Variants in HSPD1 observed in about 807,000 individuals in gnomAD.
HSPD1 encodes the protein 60 kDa heat shock protein, mitochondrial.
Under a neutral mutation model 53.0 loss-of-function variants are expected in HSPD1, and 3 were observed. The ratio of observed to expected loss-of-function variants is 0.06; its 90% CI spans 0.03 to 0.15. The LOEUF is 0.15. HSPD1 is among the 10% of genes least tolerant of loss of function. HSPD1 has a pLI of 1.00. For synonymous variants in HSPD1, 200 were observed against 228.0 expected (o/e 0.88, Z 1.10); for missense variants, 431 against 694.1 (o/e 0.62, Z 4.26).
intron 4 of HSPD1, 179 bp downstream of exon 4, chr2:197,495,092 AAAATGACAACCACATGTAGAACT>A: frequency 1.6e-6 from 1 of 614,560 alleles, no homozygotes; most frequent in Non-Finnish European, 2.9e-6. Flanking sequence ...ATGTAGAACT[AAAATGACAACCACATGTAGAACT>A]AAATGACAAC....
rs2106079353 is a variant in HSPD1 at position 197,497,399 on chromosome 2, G to GA, written c.175-8dup. On this transcript the variant is annotated splice_region_variant and splice_polypyrimidine_tract_variant and intron_variant, in intron 2 of 11. Coordinates refer to ENST00000388968, the MANE Select transcript of HSPD1 (RefSeq NM_002156.5). ...CAATAATCACTGTTCTTCCCTAGAA[G>GA]AAAAAAATGTAACAGGATCAGACAT... is the stretch of plus-strand genomic sequence containing the variant. The GA allele has an allele frequency of 1.2e-6, 2 of 1,612,974 alleles. No individual in the cohort carries two copies. The highest frequency in any genetic ancestry group is 1.3e-5 in the African/African-American group (1 of 74,948).
chr2:197,498,593 T>C (rs2086191261), intron 2 of HSPD1, 82 bp downstream of exon 2: 2 of 1,213,014 alleles, frequency 1.6e-6, no homozygotes, highest in Admixed American at 1.7e-5. Context: ...ATGAAAGTAC[T>C]GTTGAATAGT....
At chr2:197,498,584 T>C (rs1336464957) in intron 2 of HSPD1, 91 bp downstream of exon 2, 2 of 1,143,490 alleles carry the variant, frequency 1.7e-6, no homozygotes, top group Non-Finnish European at 1.3e-6. Context: ...AAAATGGAGA[T>C]GAAAGTACTG....
At position 197,488,034 on chromosome 2, in the gene HSPD1, T is replaced by A. The variant is rs1395703930; in HGVS notation, c.1393A>T (p.Ile465Leu). The A allele has an allele frequency of 6.3e-7, 1 of 1,593,846 alleles. No homozygotes were observed. The highest frequency in any genetic ancestry group is 1.3e-5 in the African/African-American group (1 of 74,624). Residue 465 changes from isoleucine (I) to leucine (L), a missense_variant and splice_region_variant, in exon 11 of 12, where the codon ATA becomes TTA. Physicochemically the swap from Ile to Leu is conservative, Grantham distance 5. Around this residue, in one of 2 missense-constraint regions of HSPD1, gnomAD observed 386 missense variants for 657.6 expected, o/e 0.59. Transcript: ENST00000388968. ...TTGAGTGTTCTTTTAATAATTTCTA[T>A]ACCTACAGAGAAATTTCAGCAAAAT... ...TPANEDQKIG[I>L]EIIKRTLKIP...
At chr2:197,500,245 C>G, upstream of HSPD1, 3 of 714,390 alleles carry the variant, frequency 4.2e-6, 1 homozygote, top group South Asian at 3.5e-5. Context: ...GCGCAGGGCC[C>G]TTGGGGCGAA....
At chr2:197,492,070 T>C (rs975135925) in intron 7 of HSPD1, among the ~76,000 whole-genome samples, 12 of 152,328 alleles carry the variant, frequency 7.9e-5, no homozygotes, top group Admixed American at 2.6e-4. Context: ...GGCAGGAGGA[T>C]TGCTTGACCC....
intron 7 of HSPD1, among the ~76,000 whole-genome samples, chr2:197,491,988 T>G (rs1462338029): frequency 6.6e-6 from 1 of 152,104 alleles, no homozygotes; most frequent in East Asian, 1.9e-4. Flanking sequence ...AGACCTCGTC[T>G]CTACAAAAAA....
chr2:197,486,977 T>C lies in HSPD1; in HGVS notation c.*69A>G, dbSNP rs564507442. 5.9e-5 allele frequency: 62 copies of C among 1,057,640 alleles called. 3 individuals carry two copies. The South Asian group carries it at 5.9e-4, about 10-fold the overall frequency. 65.5% of individuals were successfully genotyped at this position (1,057,640 alleles called of 1,614,324 possible). On this transcript the variant is annotated 3_prime_UTR_variant, in exon 12 of 12. Coordinates refer to ENST00000388968, the MANE Select transcript of HSPD1 (RefSeq NM_002156.5). ...TCTCCAACTGACTTCTCTGAAGTTATTGGTGAGGAACACTGCCTTGGGCTT... is the reference window on the plus strand; with the variant it reads ...TCTCCAACTGACTTCTCTGAAGTTACTGGTGAGGAACACTGCCTTGGGCTT...
chr2:197,499,269 G>C (rs1310578936), intron 1 of HSPD1: 2 of 293,584 alleles, frequency 6.8e-6, no homozygotes, highest in South Asian at 3.1e-5. Flanking sequence ...GGTGCAAAAA[G>C]CCGCTCAGCA....
chr2:197,489,113 T>C lies in HSPD1; in HGVS notation c.1104A>G (p.Glu368=). Residue 368 remains glutamate (E), a synonymous_variant, in exon 9 of 12, where the codon GAA becomes GAG. Transcript: ENST00000388968. ...GCTCAATGATTTCTTGAATACGTTTTTCAATTTGAGCCTTGTCACCTTTTC... is the reference window on the plus strand; with the variant it reads ...GCTCAATGATTTCTTGAATACGTTTCTCAATTTGAGCCTTGTCACCTTTTC... The part of the protein sequence containing the change: ...LKGKGDKAQI[E]KRIQEIIEQL... The C allele has an allele frequency of 6.2e-7, 1 of 1,614,080 alleles. No homozygotes were observed. Among genetic ancestry groups the C allele is most frequent in the Non-Finnish European group, 8.5e-7 (1 of 1,179,938 alleles).
chr2:197,486,733 T>C lies in HSPD1; in HGVS notation c.*313A>G, dbSNP rs563815280. The stretch of plus-strand genomic sequence containing the variant: ...CACTAAAATCCTGATTTTAACAGAA[T>C]AGTAGTAAAAATGCCTCAGTGATTT... On this transcript the variant is annotated 3_prime_UTR_variant, in exon 12 of 12. Transcript: ENST00000388968. The C allele has an allele frequency of 7.6e-5, 28 of 368,376 alleles. 1 individual carries two copies. The highest frequency in any genetic ancestry group is 5.6e-4 in the South Asian group (22 of 39,524). The allele number at this position is 368,376 out of a possible 1,614,324, so 22.8% of individuals were successfully genotyped here.
chr2:197,488,499 C>A lies in HSPD1; in HGVS notation c.1216-8G>T. On this transcript the variant is annotated splice_region_variant and splice_polypyrimidine_tract_variant and intron_variant, in intron 9 of 11. Transcript: ENST00000388968. ...ATCACTTGTCCCACCAACCTAAAGACGAAAAGAATTCCAGTTAGTATGGCC... is the reference window on the plus strand; with the variant it reads ...ATCACTTGTCCCACCAACCTAAAGAAGAAAAGAATTCCAGTTAGTATGGCC... 5 of 1,612,582 alleles carry A rather than the reference C, an allele frequency of 3.1e-6. No homozygotes were observed. Among genetic ancestry groups the A allele is most frequent in the Non-Finnish European group, 4.2e-6 (5 of 1,178,604 alleles).
chr2:197,491,362 G>A (rs1002270363), intron 7 of HSPD1, among the ~76,000 whole-genome samples: 78 of 151,610 alleles, frequency 5.1e-4, no homozygotes, highest in African/African-American at 1.7e-3. Context: ...GGGTTTCACC[G>A]TATTAGCCAG....
In HSPD1 at chr2:197,487,057, C is replaced by T. The variant is rs551123918; in HGVS notation, c.1711G>A (p.Gly571Ser). 1 of 1,477,914 alleles carries T rather than the reference C, an allele frequency of 6.8e-7. No individual in the cohort carries two copies. Among genetic ancestry groups the T allele is most frequent in the African/African-American group, 1.4e-5 (1 of 72,344 alleles). The allele number at this position is 1,477,914 out of a possible 1,614,324, so 91.6% of individuals were successfully genotyped here. A position where few individuals can be genotyped will look rare whatever the true frequency, so the allele number is the denominator to read the frequency against. Residue 571 changes from glycine (G) to serine (S), a missense_variant, in exon 12 of 12, where the codon GGC (glycine) becomes AGC (serine). Physicochemically the swap from Gly to Ser is moderately conservative, Grantham distance 56. Transcript: ENST00000388968. ...MGGMGGGMGG[G>S]MF ...CACTAGTCTAGGAGTTAGAACATGC[C>T]ACCTCCCATACCACCTCCCATTCCA...
chr2:197,500,171 G>C, upstream of HSPD1: 1 of 553,326 alleles, frequency 1.8e-6, no homozygotes, highest in South Asian at 2.3e-5. Context: ...TCGGCTGGGC[G>C]CCTAGAAAAG....
chr2:197,486,805 G>C lies in HSPD1; in HGVS notation c.*241C>G, dbSNP rs12392. Reference sequence around the variant, plus strand: ...TACATGGCTCTTGTACCCAGTATCAGGAATGTACAAATGTTTTTTATTCAA... The same window carrying C: ...TACATGGCTCTTGTACCCAGTATCACGAATGTACAAATGTTTTTTATTCAA... On this transcript the variant is annotated 3_prime_UTR_variant, in exon 12 of 12. Transcript: ENST00000388968. 6.2e-6 allele frequency: 3 copies of C among 487,240 alleles called. No individual in the cohort carries two copies. The East Asian group carries it at 1.2e-4, about 19-fold the overall frequency. 30.2% of individuals were successfully genotyped at this position (487,240 alleles called of 1,614,324 possible). A position where few individuals can be genotyped will look rare whatever the true frequency, so the allele number is the denominator to read the frequency against.
At position 197,489,247 on chromosome 2, in the gene HSPD1, C is replaced by A. The variant is rs2086062001; in HGVS notation, c.970G>T (p.Val324Leu). The A allele has an allele frequency of 1.9e-6, 3 of 1,614,022 alleles. No individual in the cohort carries two copies. The highest frequency in any genetic ancestry group is 2.5e-6 in the Non-Finnish European group (3 of 1,180,010). The change falls in exon 9 of 12, where the codon GTG becomes TTG. Residue 324 changes from valine (V) to leucine (L), a missense_variant and splice_region_variant. Val to Leu is a conservative substitution (Grantham distance 32). Transcript: ENST00000388968. ...AGGGTCAATCCCTCTTCTCCAAACA[C>A]CTACAAAAAGAGTTAAACGTAAACC... ...KDMAIATGGA[V>L]FGEEGLTLNL...
At chr2:197,492,783 G>A (rs908058899) in intron 7 of HSPD1, among the ~76,000 whole-genome samples, 2 of 151,400 alleles carry the variant, frequency 1.3e-5, no homozygotes, top group African/African-American at 2.4e-5. Context: ...AGGCTGAGGC[G>A]GGCGGATCAC....
intron 7 of HSPD1, 61 bp from the exon 8 acceptor site, chr2:197,490,357 C>A (rs1476517638): frequency 1.4e-5 from 18 of 1,272,766 alleles, no homozygotes; most frequent in Non-Finnish European, 2.0e-5. Context: ...TGTTTAATTC[C>A]CCTCAAGCTG....
Sources: gnomAD v4.1 joint callset for allele counts (sites outside exome capture counted in the v4.1 genomes callset) on GRCh38, gnomAD v4.1.1 for gene constraint, gnomAD v4.1.1 regional missense constraint, MANE v1.5 for transcripts, NCBI Gene and HGNC (gene_info 2026-07-23, HGNC 2026-07-21) for gene names.